Variants in TFDP2 observed in about 807,000 individuals in gnomAD.
TFDP2 encodes transcription factor Dp-2.
TFDP2 carries 17 observed loss-of-function variants against 59.3 expected under a neutral mutation model. The ratio of observed to expected loss-of-function variants is 0.29; its 90% CI spans 0.20 to 0.43. The LOEUF is 0.43. Ranked by LOEUF, TFDP2 falls within the 20% of genes least tolerant of loss-of-function variation. TFDP2 has a pLI of 1.00. For missense variants in TFDP2, 391 were observed against 528.8 expected, an observed-to-expected ratio of 0.74 and a Z score of 2.56; for synonymous variants, 180 against 194.7, an observed-to-expected ratio of 0.92 and a Z score of 0.63.
At chr3:142,059,844 A>C (rs2059859492) in intron 3 of TFDP2, among the ~76,000 whole-genome samples, 1 of 151,764 alleles carries the variant, frequency 6.6e-6, no homozygotes, top group South Asian at 2.1e-4. Flanking sequence ...GGCCTCCCAA[A>C]GTGCTGGGAT....
At chr3:142,056,451 G>T (rs1029658151) in intron 3 of TFDP2, among the ~76,000 whole-genome samples, 9 of 151,464 alleles carry the variant, frequency 5.9e-5, no homozygotes, top group Non-Finnish European at 3.0e-5. Context: ...GGTGCACAGA[G>T]AAGACAAACT....
rs574729181 is a variant in TFDP2, at chr3:142,058,692, G to A, written c.82+34369C>T. On this transcript the variant is annotated intron_variant, in intron 3 of 12. Coordinates refer to ENST00000489671, the MANE Select transcript of TFDP2 (RefSeq NM_001178139.2). ...GAAGAGAAACGTAAGACAGGGCAATGGGGCAGGGGTAGGGGGTGGGTGCAC... is the reference window on the plus strand; with the variant it reads ...GAAGAGAAACGTAAGACAGGGCAATAGGGCAGGGGTAGGGGGTGGGTGCAC... Among the ~76,000 whole-genome samples, 9 of 152,304 alleles carry A rather than the reference G, an allele frequency of 5.9e-5. No homozygotes were observed. In the East Asian group the frequency reaches 1.4e-3, roughly 23 times the overall value.
At chr3:142,026,418 T>C (rs1409271739) in intron 3 of TFDP2, among the ~76,000 whole-genome samples, 1 of 152,202 alleles carries the variant, frequency 6.6e-6, no homozygotes, top group Non-Finnish European at 1.5e-5. Context: ...GCTTGAATGT[T>C]GATATCTTTT....
chr3:142,036,970 A>C (rs141981362), intron 3 of TFDP2, among the ~76,000 whole-genome samples: 119 of 152,312 alleles, frequency 7.8e-4, no homozygotes, highest in Middle Eastern at 6.8e-3. Context: ...TCAGCGTCCA[A>C]TGGTAGTCTG....
intron 1 of TFDP2, among the ~76,000 whole-genome samples, chr3:142,124,370 G>T (rs2062158706): frequency 6.6e-6 from 1 of 152,112 alleles, no homozygotes; most frequent in African/African-American, 2.4e-5. Flanking sequence ...ACACTGATAA[G>T]TGAAAAAGCA....
At chr3:141,967,735 T>C (rs1433163154) in intron 9 of TFDP2, among the ~76,000 whole-genome samples, 2 of 152,144 alleles carry the variant, frequency 1.3e-5, no homozygotes, top group Non-Finnish European at 2.9e-5. Flanking sequence ...TCTACAAATA[T>C]TTGGTTTGAG....
chr3:141,974,793 GC>G (rs1940345580), intron 7 of TFDP2, among the ~76,000 whole-genome samples: 1 of 151,710 alleles, frequency 6.6e-6, no homozygotes, highest in Admixed American at 6.6e-5. Context: ...CTTGACCACT[GC>G]TGATCTGCAA....
intron 2 of TFDP2, chr3:142,094,015 G>A (rs748616133): frequency 8.2e-6 from 4 of 490,416 alleles, no homozygotes; most frequent in South Asian, 6.1e-5. Flanking sequence ...TTCACTTTTA[G>A]ATAATTTATT....
intron 3 of TFDP2, among the ~76,000 whole-genome samples, chr3:142,075,906 C>CAAAAAAAAAAAAAAAAAAAAAA (rs60581045): frequency 6.2e-5 from 5 of 80,704 alleles, no homozygotes; most frequent in African/African-American, 2.2e-4. Context: ...GAACCTGCCT[C>CAAAAAAAAAAAAAAAAAAAAAA]AAAAAAAAAA....
intron 3 of TFDP2, among the ~76,000 whole-genome samples, chr3:142,086,421 T>C (rs1369839580): frequency 1.3e-5 from 2 of 152,302 alleles, no homozygotes; most frequent in South Asian, 4.1e-4. Context: ...CAGCTATAAA[T>C]TGGGGTTCCT....
intron 7 of TFDP2, 57 bp from the exon 8 acceptor site, chr3:141,974,248 T>A (rs1421295848): frequency 7.1e-7 from 1 of 1,412,540 alleles, no homozygotes; most frequent in African/African-American, 1.5e-5. Context: ...TACAGTCACA[T>A]GATATGAATA....
chr3:142,094,781 T>G (rs1198613900), intron 2 of TFDP2, among the ~76,000 whole-genome samples: 1 of 152,212 alleles, frequency 6.6e-6, no homozygotes, highest in Non-Finnish European at 1.5e-5. Context: ...TACCTCTATA[T>G]AGCTATTATT....
chr3:142,140,257 A>G (rs1287407489), intron 1 of TFDP2, among the ~76,000 whole-genome samples: 1 of 152,010 alleles, frequency 6.6e-6, no homozygotes, highest in Admixed American at 6.6e-5. Flanking sequence ...TATTCTAGTT[A>G]GCCATAACCT....
rs995112335 is a variant in TFDP2, at chr3:141,946,248, C to T, written c.*6265G>A. On this transcript the variant is annotated 3_prime_UTR_variant, in exon 13 of 13. Coordinates refer to ENST00000489671, the MANE Select transcript of TFDP2 (RefSeq NM_001178139.2). ...TGAGCAGGGTGGGAGCGATGTTATC[C>T]CCGATCCTGAGACCTGCGGCGAAGG... The T allele has an allele frequency of 2.6e-5, 4 of 152,204 alleles. No individual in the cohort carries two copies. Among genetic ancestry groups the T allele is most frequent in the Admixed American group, 6.5e-5 (1 of 15,270 alleles). 9.4% of individuals were successfully genotyped at this position (152,204 alleles called of 1,614,324 possible).
chr3:142,032,963 T>A (rs149651371), intron 3 of TFDP2, among the ~76,000 whole-genome samples: 10,581 of 152,152 alleles, frequency 0.07, 470 homozygotes, highest in Non-Finnish European at 0.11. Flanking sequence ...TGAGAGGCTG[T>A]GGCGGGTGGA....
chr3:142,136,146 A>T lies in TFDP2; in HGVS notation c.-93+13037T>A, dbSNP rs542479834. On this transcript the variant is annotated intron_variant, in intron 1 of 12. Transcript: ENST00000489671. ...TGTGGTTTTGATTTGCATTTCTCTG[A>T]TGACCAGTGATGATGAGCATTTTTT... 1.2e-3 allele frequency among the ~76,000 whole-genome samples: 177 copies of T among 152,124 alleles called. 2 individuals carry two copies. Among genetic ancestry groups the T allele is most frequent in the African/African-American group, 4.0e-3 (165 of 41,536 alleles).
intron 3 of TFDP2, among the ~76,000 whole-genome samples, chr3:142,037,992 G>C (rs1385511509): frequency 6.6e-6 from 1 of 152,128 alleles, no homozygotes; most frequent in Non-Finnish European, 1.5e-5. Context: ...CCTTTCTACT[G>C]AGTGAAAGAA....
chr3:141,985,519 CAAAAAAAAAA>C (rs61684289), intron 6 of TFDP2, among the ~76,000 whole-genome samples: 3 of 74,428 alleles, frequency 4.0e-5, no homozygotes, highest in African/African-American at 1.1e-4. Context: ...GACGCTGTCT[CAAAAAAAAAA>C]AAAAAAAAAA....
At chr3:142,127,240 T>C (rs1225491990) in intron 1 of TFDP2, among the ~76,000 whole-genome samples, 1 of 148,788 alleles carries the variant, frequency 6.7e-6, no homozygotes, top group Non-Finnish European at 1.5e-5. Flanking sequence ...CAGGTATCTA[T>C]ATCTCACACC....
Sources: allele counts gnomAD v4.1 joint callset (sites outside exome capture counted in the v4.1 genomes callset), GRCh38; gene constraint gnomAD v4.1.1; transcripts MANE v1.5; gene names NCBI Gene and HGNC (gene_info 2026-07-23, HGNC 2026-07-21).